The following LEPR variants were observed in gnomAD, a reference collection of about 807,000 sequenced individuals.
The protein encoded by LEPR is leptin receptor.
LEPR carries 56 observed loss-of-function variants against 114.7 expected under a neutral mutation model. That is an observed-to-expected ratio of 0.49 (90% CI 0.39 to 0.61). The LOEUF (loss-of-function observed/expected upper bound fraction) is 0.61. Ranked by LOEUF, LEPR falls within the 20% of genes least tolerant of loss-of-function variation. The pLI is 0.00. For synonymous variants in LEPR, 443 were observed against 461.4 expected (o/e 0.96, Z 0.51); for missense variants, 1,202 against 1,352.9 (o/e 0.89, Z 1.75).
chr1:65,572,783 CGTAGTTTTATTCAGCAGCTCTCTATCA>C (rs1281888529), intron 5 of LEPR, among the ~76,000 whole-genome samples: 1 of 152,112 alleles, frequency 6.6e-6, no homozygotes, highest in African/African-American at 2.4e-5. Flanking sequence ...ACAGGTGAAA[CGTAGTTTTATTCAGCAGCTCTCTATCA>C]GCAGCTTACT....
rs559953547 is a variant in LEPR at position 65,424,561 on chromosome 1, C to T, written c.-96-742C>T. 1.1e-4 allele frequency among the ~76,000 whole-genome samples: 16 copies of T among 152,164 alleles called. No individual in the cohort carries two copies. The South Asian group carries it at 3.1e-3, about 30-fold the overall frequency. ...TGTATACTTTATGATTTCAAGGTGG[C>T]AGACATGGGTCATTGTCTTAATCAG... On this transcript the variant is annotated intron_variant, in intron 1 of 19. Transcript: ENST00000349533.
chr1:65,587,667 T>C (rs1379356003), intron 5 of LEPR, among the ~76,000 whole-genome samples: 1 of 152,080 alleles, frequency 6.6e-6, no homozygotes, highest in Non-Finnish European at 1.5e-5. Context: ...CTTTTGACAC[T>C]AATATCCCCT....
Position 65,601,673 on chromosome 1 carries a change from T to A in LEPR, c.1276T>A (p.Tyr426Asn), listed in dbSNP as rs1001961847. 2 of 1,613,554 alleles carry A rather than the reference T, an allele frequency of 1.2e-6. No individual in the cohort carries two copies. The highest frequency in any genetic ancestry group is 3.3e-5 in the Admixed American group (2 of 59,994). The change falls in exon 9 of 20, where the codon TAT (tyrosine) becomes AAT (asparagine). Residue 426 changes from tyrosine (Y) to asparagine (N), a missense_variant. Tyr to Asn is a moderately radical substitution (Grantham distance 143). Coordinates refer to ENST00000349533, the MANE Select transcript of LEPR (RefSeq NM_002303.6). ...HECHHRYAEL[Y>N]VIDVNINISC... is the part of the protein sequence containing the mutation. ...ATGCCATCATCGCTATGCTGAATTA[T>A]ATGTGATTGGTAAGAAAACAGAGGT...
At chr1:65,621,317 A>G in intron 17 of LEPR, 36 bp from the exon 18 acceptor site, 3 of 1,566,358 alleles carry the variant, frequency 1.9e-6, no homozygotes, top group Non-Finnish European at 1.8e-6. Flanking sequence ...TATTTCCTCA[A>G]GTTTCTGAGT....
At chr1:65,453,888 A>C (rs909080280) in intron 2 of LEPR, among the ~76,000 whole-genome samples, 2 of 151,244 alleles carry the variant, frequency 1.3e-5, no homozygotes, top group African/African-American at 4.9e-5. Flanking sequence ...GGGGTGTTAA[A>C]GTCTCCCATT....
intron 2 of LEPR, among the ~76,000 whole-genome samples, chr1:65,427,307 C>T (rs1203938000): frequency 3.3e-5 from 5 of 152,188 alleles, no homozygotes; most frequent in South Asian, 2.1e-4. Flanking sequence ...GCCGTGGTGG[C>T]TCATGCCTAT....
Position 65,633,676 on chromosome 1 carries a change from A to G in LEPR, c.2674-2515A>G. 1.0e-6 allele frequency: 1 copy of G among 985,852 alleles called. No individual in the cohort carries two copies. Among genetic ancestry groups the G allele is most frequent in the African/African-American group, 1.7e-5 (1 of 57,364 alleles). The allele number at this position is 985,852 out of a possible 1,614,324, so 61.1% of individuals were successfully genotyped here. A position where few individuals can be genotyped will look rare whatever the true frequency, so the allele number is the denominator to read the frequency against. ...AAACTTTTCCATTTTAGATTCCTTT[A>G]TAGACACGTCAGCCTAAAAATCAGC... On this transcript the variant is annotated intron_variant, in intron 19 of 19. Coordinates refer to ENST00000349533, the MANE Select transcript of LEPR (RefSeq NM_002303.6). The surrounding 1 kb of genome is among the most constrained non-coding windows in gnomAD (Gnocchi z 4.1).
intron 2 of LEPR, among the ~76,000 whole-genome samples, chr1:65,459,896 C>G (rs902617598): frequency 6.6e-6 from 1 of 152,184 alleles, no homozygotes; most frequent in African/African-American, 2.4e-5. Context: ...ATGCTTGGAA[C>G]AAGTTTCCCC....
chr1:65,434,898 A>G, intron 2 of LEPR: 1 of 985,444 alleles, frequency 1.0e-6, no homozygotes. Flanking sequence ...AAGAAAGCAG[A>G]TCACACTTCA....
intron 2 of LEPR, among the ~76,000 whole-genome samples, chr1:65,488,178 T>G (rs1408564512): frequency 6.1e-5 from 1 of 16,362 alleles, no homozygotes; most frequent in Non-Finnish European, 1.3e-4. Flanking sequence ...CTTTCTTTCT[T>G]TCTTTCTTTC....
chr1:65,623,508 A>G (rs190388554), intron 19 of LEPR: 2 of 152,358 alleles, frequency 1.3e-5, no homozygotes, highest in East Asian at 1.9e-4. Flanking sequence ...AACTATAATA[A>G]AATAATTTGT....
At chr1:65,436,033 A>G (rs1646558705) in intron 2 of LEPR, 20 of 984,128 alleles carry the variant, frequency 2.0e-5, no homozygotes, top group Non-Finnish European at 2.4e-5. Flanking sequence ...ACATTATTAA[A>G]TGAAAAAGTT....
At chr1:65,444,340 CCT>C (rs1646686688) in intron 2 of LEPR, among the ~76,000 whole-genome samples, 1 of 152,016 alleles carries the variant, frequency 6.6e-6, no homozygotes, top group Non-Finnish European at 1.5e-5. Context: ...CTCCCCACAC[CCT>C]CTCATAATGT....
At chr1:65,629,853 A>G (rs1033755687) in intron 19 of LEPR, among the ~76,000 whole-genome samples, 4 of 152,120 alleles carry the variant, frequency 2.6e-5, no homozygotes, top group Non-Finnish European at 1.5e-5. Context: ...AATCAGGACT[A>G]GGCTTTCTCT....
intron 2 of LEPR, among the ~76,000 whole-genome samples, chr1:65,426,906 G>A (rs1414738350): frequency 6.6e-6 from 1 of 152,170 alleles, no homozygotes; most frequent in East Asian, 1.9e-4. Flanking sequence ...GCTGAGGCAG[G>A]AGAATTGCTT....
chr1:65,496,136 A>G (rs115650520), intron 2 of LEPR, among the ~76,000 whole-genome samples: 187 of 152,324 alleles, frequency 1.2e-3, no homozygotes, highest in African/African-American at 4.2e-3. Context: ...CATTGTATAT[A>G]CTTGTATCAA....
At chr1:65,518,552 A>G (rs780910603) in intron 2 of LEPR, among the ~76,000 whole-genome samples, 1 of 152,224 alleles carries the variant, frequency 6.6e-6, no homozygotes, top group Non-Finnish European at 1.5e-5. Context: ...ATTTTAAGTC[A>G]TCAAGTCCTG....
At chr1:65,591,903 C>G (rs1655723388) in intron 5 of LEPR, among the ~76,000 whole-genome samples, 1 of 151,584 alleles carries the variant, frequency 6.6e-6, no homozygotes, top group African/African-American at 2.4e-5. Context: ...TTTATGCCTT[C>G]TTTTTGATTT....
intron 11 of LEPR, 21 bp downstream of exon 11, chr1:65,605,258 T>A: frequency 6.2e-7 from 1 of 1,613,460 alleles, no homozygotes; most frequent in Non-Finnish European, 8.5e-7. Context: ...CTGCGTTGTG[T>A]CTTCATTTGT....
Sources: gnomAD v4.1 joint callset for allele counts (sites outside exome capture counted in the v4.1 genomes callset) on GRCh38, gnomAD v4.1.1 for gene constraint, Gnocchi (gnomAD v3.1) non-coding constraint, MANE v1.5 for transcripts, NCBI Gene and HGNC (gene_info 2026-07-23, HGNC 2026-07-21) for gene names.